Variants in RGS3 observed in about 807,000 individuals in gnomAD.
The protein encoded by RGS3 is regulator of G protein signaling 3.
A neutral mutation model predicts 132.6 loss-of-function variants in RGS3; 80 were observed. The ratio of observed to expected loss-of-function variants is 0.60; its 90% CI spans 0.50 to 0.73. RGS3 has a LOEUF of 0.73. Ranked by LOEUF, RGS3 falls within the 30% of genes least tolerant of loss-of-function variation. The pLI, the probability that RGS3 is intolerant of heterozygous loss-of-function variation, is 0.00. For missense variants in RGS3, 1,382 were observed against 1,530.8 expected, an observed-to-expected ratio of 0.90 and a Z score of 1.62; for synonymous variants, 598 against 620.6, an observed-to-expected ratio of 0.96 and a Z score of 0.54.
intron 15 of RGS3, chr9:113,517,225 T>TG: frequency 2.0e-6 from 1 of 509,242 alleles, no homozygotes; most frequent in South Asian, 1.5e-5. Flanking sequence ...CCCAGTGCAG[T>TG]GGGGGGTGAG....
At chr9:113,461,931 A>T (rs950858760) in intron 2 of RGS3, 40 of 1,592,644 alleles carry the variant, frequency 2.5e-5, no homozygotes, top group Non-Finnish European at 3.2e-5. Flanking sequence ...CCTGAACACC[A>T]TGCTTTCTAG....
intron 17 of RGS3, 69 bp from the exon 16 acceptor site, chr9:113,529,152 G>A (rs2118530059): frequency 1.6e-6 from 2 of 1,222,892 alleles, no homozygotes; most frequent in African/African-American, 1.5e-5. Context: ...ACAGCTGACT[G>A]TGCTGGAGCA....
chr9:113,568,891 G>T (rs1834128721), intron 19 of RGS3, among the ~76,000 whole-genome samples: 1 of 152,266 alleles, frequency 6.6e-6, no homozygotes, highest in African/African-American at 2.4e-5. Flanking sequence ...ATGGGGGCAG[G>T]ATGGTGGGAG....
intron 19 of RGS3, among the ~76,000 whole-genome samples, chr9:113,558,240 C>A (rs545767858): frequency 6.6e-6 from 1 of 152,302 alleles, no homozygotes; most frequent in South Asian, 2.1e-4. Context: ...CAGTGGCTCA[C>A]GCCTGTAATC....
intron 7 of RGS3, 136 bp from the exon 6 acceptor site, chr9:113,495,650 G>A (rs1206319605): frequency 1.4e-6 from 1 of 737,010 alleles, no homozygotes; most frequent in African/African-American, 1.7e-5. Flanking sequence ...AGAGTCAGAA[G>A]GATCAAACGA....
intron 3 of RGS3, among the ~76,000 whole-genome samples, chr9:113,467,602 AT>A (rs1169465373): frequency 6.6e-6 from 1 of 151,992 alleles, no homozygotes; most frequent in African/African-American, 2.4e-5. Context: ...GAGTTGTAAG[AT>A]TTCTTTATAT....
rs1230099133 is a variant in RGS3, at chr9:113,552,474, G to A, written c.2037+15556G>A. The stretch of plus-strand genomic sequence containing the variant: ...TGGGACTACAGGTGCCCACCACCAC[G>A]CCCGGCTAATTTTTTGTATTTTTTT... On this transcript the variant is annotated intron_variant, in intron 19 of 24. Coordinates refer to ENST00000350696, the Ensembl canonical transcript of RGS3. Among the ~76,000 whole-genome samples the A allele has an allele frequency of 3.3e-5, 5 of 151,984 alleles. No individual in the cohort carries two copies. In the South Asian group the frequency reaches 6.2e-4, roughly 19 times the overall value.
chr9:113,460,621 C>G (rs1829451014), intron 1 of RGS3, among the ~76,000 whole-genome samples: 1 of 151,846 alleles, frequency 6.6e-6, no homozygotes, highest in Non-Finnish European at 1.5e-5. Context: ...TTGTTATTTT[C>G]TAAATAAATT....
intron 18 of RGS3, among the ~76,000 whole-genome samples, chr9:113,536,039 A>G (rs540042095): frequency 6.6e-6 from 1 of 152,278 alleles, no homozygotes; most frequent in African/African-American, 2.4e-5. Context: ...CTTGCTAAGC[A>G]CTATATGAGG....
At chr9:113,470,582 A>G (rs574255131) in intron 3 of RGS3, among the ~76,000 whole-genome samples, 20 of 152,176 alleles carry the variant, frequency 1.3e-4, no homozygotes, top group Middle Eastern at 3.2e-3. Context: ...TCTTTCATTT[A>G]ATATTTGCCT....
exon 3 of RGS3, chr9:113,462,125 T>A (rs750870433): frequency 6.2e-7 from 1 of 1,614,142 alleles, no homozygotes; most frequent in Non-Finnish European, 8.5e-7. Context: ...CTGATATCGC[T>A]CTGCCCAGAA....
At chr9:113,541,739 G>T in intron 19 of RGS3, 1 of 1,041,898 alleles carries the variant, frequency 9.6e-7, no homozygotes. Flanking sequence ...GTGGCTCCCG[G>T]ACCTGCCTTG....
intron 19 of RGS3, among the ~76,000 whole-genome samples, chr9:113,560,159 G>A (rs548085245): frequency 6.6e-6 from 1 of 152,352 alleles, no homozygotes; most frequent in South Asian, 2.1e-4. Context: ...GAGAGGGCCT[G>A]AAGGGGCATG....
intron 23 of RGS3, chr9:113,595,381 A>C (rs563246372): frequency 7.5e-5 from 43 of 576,120 alleles, no homozygotes; most frequent in Non-Finnish European, 1.3e-4. Flanking sequence ...TCACAGATGA[A>C]GACACTGAGG....
intron 17 of RGS3, among the ~76,000 whole-genome samples, chr9:113,526,253 T>A (rs1194278868): frequency 6.6e-6 from 1 of 152,228 alleles, no homozygotes; most frequent in African/African-American, 2.4e-5. Context: ...AGAAAGTCAG[T>A]TGCTTTGGTC....
intron 19 of RGS3, among the ~76,000 whole-genome samples, chr9:113,542,623 G>T (rs556632027): frequency 6.6e-6 from 1 of 152,268 alleles, no homozygotes; most frequent in Admixed American, 6.5e-5. Context: ...CAGTGGATGT[G>T]AGTGAGGATT....
intron 3 of RGS3, 87 bp from the exon 2 acceptor site, chr9:113,479,404 G>T (rs935830759): frequency 7.6e-7 from 1 of 1,317,030 alleles, no homozygotes; most frequent in African/African-American, 1.4e-5. Flanking sequence ...ATGAACAAAA[G>T]AGCATTTCTG....
intron 1 of RGS3, among the ~76,000 whole-genome samples, chr9:113,451,777 T>G (rs928036852): frequency 4.6e-5 from 7 of 152,016 alleles, no homozygotes; most frequent in Non-Finnish European, 8.8e-5. Flanking sequence ...TATACCCATG[T>G]GGTTAGCATT....
intron 3 of RGS3, among the ~76,000 whole-genome samples, chr9:113,469,331 G>A (rs1829752024): frequency 6.6e-6 from 1 of 152,076 alleles, no homozygotes; most frequent in African/African-American, 2.4e-5. Flanking sequence ...CCCTGGCATG[G>A]TTGGGGAAAC....
Sources: allele counts gnomAD v4.1 joint callset (sites outside exome capture counted in the v4.1 genomes callset), GRCh38; gene constraint gnomAD v4.1.1; transcripts MANE v1.5; gene names NCBI Gene and HGNC (gene_info 2026-07-23, HGNC 2026-07-21).